ZNF536: variants seen among roughly 807,000 people sequenced by gnomAD.
ZNF536 encodes the protein zinc finger protein 536.
Under a neutral mutation model 84.5 loss-of-function variants are expected in ZNF536, and 13 were observed. That is an observed-to-expected ratio of 0.15 (90% CI 0.10 to 0.24). The LOEUF (loss-of-function observed/expected upper bound fraction) is 0.24, where lower values mean the gene tolerates loss of function less well. Among genes scored for constraint, ZNF536 ranks in the 10% least tolerant of loss-of-function variants. The probability of loss-of-function intolerance (pLI) is 1.00; values close to 1 mark genes in which losing one functional copy is unlikely to be tolerated. For missense variants in ZNF536, 1,536 were observed against 1,747.5 expected, an observed-to-expected ratio of 0.88 and a Z score of 2.16; for synonymous variants, 811 against 742.5, an observed-to-expected ratio of 1.09 and a Z score of -1.50.
Position 30,290,412 on chromosome 19 carries a change from G to A in ZNF536, c.-120+6271G>A, listed in dbSNP as rs574461430. Among the ~76,000 whole-genome samples, 9 of 152,160 alleles carry A rather than the reference G, an allele frequency of 5.9e-5. No individual in the cohort carries two copies. The South Asian group carries it at 1.9e-3, about 32-fold the overall frequency. On this transcript the variant is annotated intron_variant, in intron 2 of 5. Coordinates refer to the ZNF536 transcript ENST00000585628. ...CCTGCCTCAGCCTTCTGAGTAACTG[G>A]GACTACACGTGCACACCACTACTAA...
At chr19:30,432,486 G>A (rs2051518601) in intron 1 of ZNF536, among the ~76,000 whole-genome samples, 2 of 152,142 alleles carry the variant, frequency 1.3e-5, no homozygotes, top group African/African-American at 2.4e-5. Context: ...CATGGAGGAT[G>A]GAGTTGGGCT....
At chr19:30,707,747 C>T (rs113399940) in intron 1 of ZNF536, among the ~76,000 whole-genome samples, 4 of 152,182 alleles carry the variant, frequency 2.6e-5, no homozygotes, top group East Asian at 1.9e-4. Context: ...TGGTGGCTCA[C>T]GTCTGTAATC....
At chr19:30,250,844 TG>T (rs1431365553) in intron 1 of ZNF536, among the ~76,000 whole-genome samples, 8 of 140,626 alleles carry the variant, frequency 5.7e-5, no homozygotes, top group African/African-American at 2.2e-4. Context: ...TGATGCCTGT[TG>T]GGTTTTTTTT....
chr19:30,528,599 T>C (rs2044683113), intron 2 of ZNF536, among the ~76,000 whole-genome samples: 1 of 152,174 alleles, frequency 6.6e-6, no homozygotes, highest in Non-Finnish European at 1.5e-5. Context: ...GGGTCAGCTG[T>C]CATCCATCTG....
At chr19:30,325,037 C>A (rs750016559) in intron 2 of ZNF536, among the ~76,000 whole-genome samples, 1 of 152,324 alleles carries the variant, frequency 6.6e-6, no homozygotes, top group African/African-American at 2.4e-5. Context: ...GAACCATCCA[C>A]GTTTGCTCCT....
intron 2 of ZNF536, among the ~76,000 whole-genome samples, chr19:30,530,598 C>T (rs979087221): frequency 2.6e-5 from 4 of 152,154 alleles, no homozygotes; most frequent in African/African-American, 7.2e-5. Context: ...CTGCTGGCCT[C>T]GGCCTCCCAA....
At chr19:30,328,310 C>T (rs1006251126) in intron 2 of ZNF536, among the ~76,000 whole-genome samples, 1 of 152,144 alleles carries the variant, frequency 6.6e-6, no homozygotes, top group Non-Finnish European at 1.5e-5. Flanking sequence ...GTGGAGGCCA[C>T]ACTTGGCCAC....
chr19:30,400,736 G>A (rs896894159), intron 1 of ZNF536, among the ~76,000 whole-genome samples: 1 of 152,042 alleles, frequency 6.6e-6, no homozygotes, highest in Non-Finnish European at 1.5e-5. Flanking sequence ...TGGCCTGAGA[G>A]TTCTTTCTAC....
chr19:30,278,523 G>A (rs1444274542), intron 1 of ZNF536, among the ~76,000 whole-genome samples: 1 of 152,116 alleles, frequency 6.6e-6, no homozygotes, highest in Non-Finnish European at 1.5e-5. Flanking sequence ...TCTTTCTGGG[G>A]CCAGCAAGGC....
intron 2 of ZNF536, among the ~76,000 whole-genome samples, chr19:30,336,752 C>A (rs1044613588): frequency 6.6e-6 from 1 of 152,120 alleles, no homozygotes; most frequent in Admixed American, 6.6e-5. Context: ...TGCATAGGCC[C>A]AGGCTGCAGA....
intron 2 of ZNF536, among the ~76,000 whole-genome samples, chr19:30,488,014 T>C (rs1029212425): frequency 6.6e-6 from 1 of 152,110 alleles, no homozygotes; most frequent in Non-Finnish European, 1.5e-5. Flanking sequence ...GCTCCAGAAA[T>C]ATTACCCAGC....
chr19:30,444,943 AAGG>A lies in ZNF536; in HGVS notation c.1384_1386del (p.Glu462del). ...CTATGGCAAGGGCGAGCTGCCCATG[AAGG>A]AGAAGGAAGCGCTGGGGAAGCTGCT... On this transcript the variant is annotated inframe_deletion, in exon 2 of 5. Coordinates refer to ENST00000355537, the MANE Select transcript of ZNF536 (RefSeq NM_014717.3). 1 of 1,611,606 alleles carries A rather than the reference AAGG, an allele frequency of 6.2e-7. No homozygotes were observed. The highest frequency in any genetic ancestry group is 8.5e-7 in the Non-Finnish European group (1 of 1,179,064).
intron 1 of ZNF536, among the ~76,000 whole-genome samples, chr19:30,606,766 A>AG (rs1283524641): frequency 1.3e-5 from 2 of 152,170 alleles, no homozygotes; most frequent in Non-Finnish European, 2.9e-5. Flanking sequence ...TCAATCCAGC[A>AG]GGGGCCCTGT....
chr19:30,644,912 T>G (rs1339047900), intron 1 of ZNF536, among the ~76,000 whole-genome samples: 2 of 152,176 alleles, frequency 1.3e-5, no homozygotes, highest in African/African-American at 4.8e-5. Context: ...CAAATGGTAT[T>G]TCTAGTTCTA....
At chr19:30,638,113 G>A (rs1177505811) in intron 1 of ZNF536, among the ~76,000 whole-genome samples, 1 of 152,124 alleles carries the variant, frequency 6.6e-6, no homozygotes, top group African/African-American at 2.4e-5. Context: ...CTGTTGTGTT[G>A]ACACTGCTTC....
At chr19:30,629,502 T>C (rs1600086585) in intron 1 of ZNF536, among the ~76,000 whole-genome samples, 1 of 152,230 alleles carries the variant, frequency 6.6e-6, no homozygotes, top group Admixed American at 6.5e-5. Context: ...AGCCTGATAA[T>C]TGCCTTTTAA....
intron 3 of ZNF536, among the ~76,000 whole-genome samples, 195 bp downstream of exon 3, chr19:30,535,194 C>G (rs566082048): frequency 3.3e-5 from 5 of 152,140 alleles, no homozygotes; most frequent in South Asian, 2.1e-4. Flanking sequence ...ACATTCACCT[C>G]GCAAATGACT....
At chr19:30,417,811 T>A in intron 1 of ZNF536, among the ~76,000 whole-genome samples, 1 of 152,178 alleles carries the variant, frequency 6.6e-6, no homozygotes, top group South Asian at 2.1e-4. Flanking sequence ...CCAGGTTGGA[T>A]TGTAGTGGCA....
rs567809535 is a variant in ZNF536, at chr19:30,425,250, A to C, written c.-2-18311A>C. Among the ~76,000 whole-genome samples, 436 of 152,126 alleles carry C rather than the reference A, an allele frequency of 2.9e-3. 1 individual carries two copies. The highest frequency in any genetic ancestry group is 0.01 in the African/African-American group (418 of 41,524). On this transcript the variant is annotated intron_variant, in intron 1 of 4. Transcript: ENST00000355537. Reference sequence around the variant, plus strand: ...CCCAAAAACATGTTGGAAAAAAAAAAACAAAGATGGGAGTGCCTTAGTGTG... The same window carrying C: ...CCCAAAAACATGTTGGAAAAAAAAACACAAAGATGGGAGTGCCTTAGTGTG...
Sources: allele counts gnomAD v4.1 joint callset (sites outside exome capture counted in the v4.1 genomes callset), GRCh38; gene constraint gnomAD v4.1.1; transcripts MANE v1.5; gene names NCBI Gene and HGNC (gene_info 2026-07-23, HGNC 2026-07-21).